Variants in PRAG1 observed in about 807,000 individuals in gnomAD.
PRAG1 encodes PEAK1 related, kinase-activating pseudokinase 1, also known as inactive tyrosine-protein kinase PRAG1.
A neutral mutation model predicts 95.6 loss-of-function variants in PRAG1; 110 were observed. That is an observed-to-expected ratio of 1.15 (90% CI 0.99 to 1.35). The LOEUF (loss-of-function observed/expected upper bound fraction) is 1.35, where lower values mean the gene tolerates loss of function less well. Among genes scored for constraint, PRAG1 ranks in the 40% most tolerant of loss-of-function variants. The probability of loss-of-function intolerance (pLI) is 0.00; values close to 1 mark genes in which losing one functional copy is unlikely to be tolerated. For missense variants in PRAG1, 2,554 were observed against 1,864.7 expected (o/e 1.37, Z -6.81); for synonymous variants, 1,052 against 819.4 (o/e 1.28, Z -4.85).
chr8:8,342,485 C>A (rs1025096500), intron 3 of PRAG1, among the ~76,000 whole-genome samples: 1 of 152,090 alleles, frequency 6.6e-6, no homozygotes, highest in Non-Finnish European at 1.5e-5. Flanking sequence ...AGTGAGCCAC[C>A]GCGCCCGGCC....
chr8:8,353,965 C>A (rs1367866273), intron 3 of PRAG1, among the ~76,000 whole-genome samples: 1 of 150,036 alleles, frequency 6.7e-6, no homozygotes, highest in Non-Finnish European at 1.5e-5. Flanking sequence ...AACAGAAAAG[C>A]CACATAAGGA....
At chr8:8,378,887 T>C (rs2116941943) in intron 2 of PRAG1, among the ~76,000 whole-genome samples, 1 of 106,304 alleles carries the variant, frequency 9.4e-6, no homozygotes, top group African/African-American at 3.6e-5. Context: ...ATAATAATAA[T>C]AATAAAGAAA....
chr8:8,357,840 A>G (rs1204205367), intron 3 of PRAG1, among the ~76,000 whole-genome samples: 8 of 152,238 alleles, frequency 5.3e-5, no homozygotes, highest in Middle Eastern at 3.2e-3. Flanking sequence ...CTGTGAATGT[A>G]TGGGAAAAAC....
chr8:8,339,087 T>G (rs969330100), intron 4 of PRAG1, among the ~76,000 whole-genome samples: 2 of 151,644 alleles, frequency 1.3e-5, no homozygotes, highest in Middle Eastern at 3.2e-3. Flanking sequence ...TACATGCACA[T>G]GTAGATGCAA....
At chr8:8,356,875 C>A (rs1337741109) in intron 3 of PRAG1, among the ~76,000 whole-genome samples, 1 of 152,028 alleles carries the variant, frequency 6.6e-6, no homozygotes, top group Non-Finnish European at 1.5e-5. Context: ...AGAAACAAAC[C>A]CTCATGTATA....
chr8:8,342,378 A>G (rs1375284022), intron 3 of PRAG1, among the ~76,000 whole-genome samples: 4 of 151,658 alleles, frequency 2.6e-5, no homozygotes, highest in Non-Finnish European at 4.4e-5. Flanking sequence ...TTGTATTTTT[A>G]GTAGAGACGG....
intron 2 of PRAG1, among the ~76,000 whole-genome samples, chr8:8,380,497 G>T (rs148447190): frequency 1.7e-3 from 263 of 151,948 alleles, no homozygotes; most frequent in Admixed American, 4.3e-3. Context: ...TTCTTGGGAG[G>T]GTGAGGCAGG....
At chr8:8,364,617 G>A (rs2116899954) in intron 3 of PRAG1, among the ~76,000 whole-genome samples, 1 of 150,170 alleles carries the variant, frequency 6.7e-6, no homozygotes, top group African/African-American at 2.4e-5. Flanking sequence ...TCCATCTGCA[G>A]TCCACTTTTA....
At chr8:8,339,739 G>A (rs1585235377) in intron 3 of PRAG1, 104 bp from the exon 4 acceptor site, 4 of 1,126,780 alleles carry the variant, frequency 3.5e-6, no homozygotes, top group Middle Eastern at 2.1e-4. Context: ...CCTGGCCAAT[G>A]TCAGCAAGTT....
intron 3 of PRAG1, among the ~76,000 whole-genome samples, chr8:8,356,860 C>G (rs934617034): frequency 5.3e-5 from 8 of 152,056 alleles, no homozygotes; most frequent in African/African-American, 1.9e-4. Flanking sequence ...TAGACTAGAA[C>G]GTCCAGAAAC....
chr8:8,359,060 T>C (rs1038442916), intron 3 of PRAG1, among the ~76,000 whole-genome samples: 1 of 152,242 alleles, frequency 6.6e-6, no homozygotes, highest in African/African-American at 2.4e-5. Flanking sequence ...TAAGGTTTAA[T>C]GAAGAGTTAT....
At chr8:8,334,331 G>A (rs1798918192) in intron 4 of PRAG1, among the ~76,000 whole-genome samples, 2 of 151,572 alleles carry the variant, frequency 1.3e-5, no homozygotes, top group Non-Finnish European at 2.9e-5. Flanking sequence ...CAGCTACTCA[G>A]AAGGCTGAGG....
chr8:8,363,007 G>A (rs1011370127), intron 3 of PRAG1, among the ~76,000 whole-genome samples: 1 of 151,500 alleles, frequency 6.6e-6, no homozygotes, highest in African/African-American at 2.4e-5. Context: ...AGACATGCCT[G>A]AGCAAGCCAA....
In PRAG1 at chr8:8,376,248, G is replaced by A. The variant is rs368352329; in HGVS notation, c.2161C>T (p.Arg721Trp). 35 of 1,612,024 alleles carry A rather than the reference G, an allele frequency of 2.2e-5. No homozygotes were observed. Among genetic ancestry groups the A allele is most frequent in the African/African-American group, 6.7e-5 (5 of 74,916 alleles). ...FSPPPPPPKS[R>W]HLLKMNKSSS... ...TCCCAGGCAGACAATGGTACTCACC[G>A]CGACTTTGGAGGCGGAGGAGGAGGT... Residue 721 changes from arginine to tryptophan, a missense_variant and splice_region_variant, in exon 3 of 6, where the codon CGG becomes TGG. Transcript: ENST00000615670.
chr8:8,332,386 C>A (rs1401858900), intron 4 of PRAG1, among the ~76,000 whole-genome samples: 1 of 152,098 alleles, frequency 6.6e-6, no homozygotes, highest in Non-Finnish European at 1.5e-5. Context: ...TGGTCTTGAA[C>A]TTCTGACCTT....
chr8:8,350,572 G>A (rs1799488749), intron 3 of PRAG1, among the ~76,000 whole-genome samples: 1 of 152,176 alleles, frequency 6.6e-6, no homozygotes, highest in Non-Finnish European at 1.5e-5. Context: ...AGTATCCCAG[G>A]GCCCTCAGGA....
chr8:8,377,259 CT>C lies in PRAG1; in HGVS notation c.1149del (p.Val385Ter). On this transcript the variant is annotated frameshift_variant, in exon 3 of 6. Transcript: ENST00000615670. LOFTEE classifies it high-confidence loss of function. ...CCAAGGCATCTGCTAGGGGTCACCC[CT>C]GGGCAGCCAGGGTCCTGCTGCTTCT... ...APEKQQDPGC[P>X]GVTPSRCLGL... 6.2e-7 allele frequency: 1 copy of C among 1,612,888 alleles called. No homozygotes were observed. Among genetic ancestry groups the C allele is most frequent in the East Asian group, 2.2e-5 (1 of 44,868 alleles).
At chr8:8,336,171 C>T (rs773389185) in intron 4 of PRAG1, among the ~76,000 whole-genome samples, 3 of 152,184 alleles carry the variant, frequency 2.0e-5, no homozygotes, top group Non-Finnish European at 2.9e-5. Flanking sequence ...ACAGAGAACT[C>T]TCTAATCTTC....
At chr8:8,322,385 T>C (rs1205939199) in intron 5 of PRAG1, among the ~76,000 whole-genome samples, 1 of 152,166 alleles carries the variant, frequency 6.6e-6, no homozygotes, top group Non-Finnish European at 1.5e-5. Flanking sequence ...TTTCACCATG[T>C]TGCCCAGGCT....
Sources: gnomAD v4.1 joint callset for allele counts (sites outside exome capture counted in the v4.1 genomes callset) on GRCh38, gnomAD v4.1.1 for gene constraint, MANE v1.5 for transcripts, NCBI Gene and HGNC (gene_info 2026-07-23, HGNC 2026-07-21) for gene names.